Variants in SHB observed in about 807,000 individuals in gnomAD.
The protein encoded by SHB is SH2 domain-containing adapter protein B.
A neutral mutation model predicts 52.3 loss-of-function variants in SHB; 20 were observed. That is an observed-to-expected ratio of 0.38 (90% confidence interval 0.27 to 0.56). SHB has a LOEUF of 0.56. Ranked by LOEUF, SHB falls within the 20% of genes least tolerant of loss-of-function variation. SHB has a pLI of 0.71. For missense variants in SHB, 825 were observed against 723.3 expected (o/e 1.14, Z -1.61); for synonymous variants, 397 against 316.5 (o/e 1.25, Z -2.70).
At chr9:38,047,802 G>C (rs547632975) in intron 1 of SHB, among the ~76,000 whole-genome samples, 2 of 152,350 alleles carry the variant, frequency 1.3e-5, no homozygotes, top group East Asian at 1.9e-4. Context: ...AAGCAAACAA[G>C]GGTGTGAGTT....
chr9:37,975,551 G>T (rs1304977415), intron 2 of SHB, among the ~76,000 whole-genome samples: 1 of 152,214 alleles, frequency 6.6e-6, no homozygotes. Flanking sequence ...ATGACTGCCT[G>T]TCTAGACGAG....
At chr9:38,047,589 T>A (rs894787817) in intron 1 of SHB, among the ~76,000 whole-genome samples, 2 of 152,180 alleles carry the variant, frequency 1.3e-5, no homozygotes, top group African/African-American at 4.8e-5. Context: ...GGACCACAAT[T>A]ATAAACACAG....
At chr9:38,009,521 C>T (rs965720793) in intron 2 of SHB, among the ~76,000 whole-genome samples, 8 of 152,256 alleles carry the variant, frequency 5.3e-5, no homozygotes, top group African/African-American at 1.7e-4. Flanking sequence ...TGCCCAAGGG[C>T]AGAGCCAGGG....
chr9:37,963,946 T>C (rs903446444), intron 3 of SHB, among the ~76,000 whole-genome samples: 2 of 152,002 alleles, frequency 1.3e-5, no homozygotes, highest in Non-Finnish European at 2.9e-5. Flanking sequence ...CCCAAACAAG[T>C]ATGAGAATTA....
At chr9:37,952,576 G>A (rs1832578525) in intron 4 of SHB, among the ~76,000 whole-genome samples, 3 of 152,174 alleles carry the variant, frequency 2.0e-5, no homozygotes, top group Admixed American at 1.3e-4. Context: ...GGCGTGAGGA[G>A]GGGCCAGAGG....
chr9:37,949,392 C>CA (rs771495216), intron 4 of SHB, among the ~76,000 whole-genome samples: 1,517 of 49,486 alleles, frequency 0.031, 27 homozygotes, highest in East Asian at 0.15. Flanking sequence ...GACTCCATCT[C>CA]AAAAAAAAAA....
chr9:38,032,581 G>T (rs1396429975), intron 1 of SHB, among the ~76,000 whole-genome samples: 1 of 152,184 alleles, frequency 6.6e-6, no homozygotes, highest in Non-Finnish European at 1.5e-5. Context: ...GCTGCCCTGT[G>T]ACTCCGGCAC....
At chr9:38,064,518 T>C (rs1821936589) in intron 1 of SHB, among the ~76,000 whole-genome samples, 2 of 152,236 alleles carry the variant, frequency 1.3e-5, no homozygotes, top group African/African-American at 2.4e-5. Flanking sequence ...TAAGCACTCC[T>C]GCAGCGTGCA....
intron 5 of SHB, among the ~76,000 whole-genome samples, chr9:37,938,335 C>G (rs1240012307): frequency 6.6e-6 from 1 of 152,254 alleles, no homozygotes; most frequent in Non-Finnish European, 1.5e-5. Flanking sequence ...CACCCTTTCA[C>G]TGATAGCAGA....
At chr9:37,958,435 A>C (rs1237529954) in intron 3 of SHB, among the ~76,000 whole-genome samples, 1 of 152,202 alleles carries the variant, frequency 6.6e-6, no homozygotes, top group Non-Finnish European at 1.5e-5. Flanking sequence ...GACTCACCAA[A>C]GGCCCTAATT....
rs573110863 is a variant in SHB, at chr9:37,966,293, C to CT, written c.1054+8328dup. ...GAAGAGCAAAAGTATTCTATCAAAT[C>CT]TTTGTTTTTTTTCCACTGAGGAGAC... On this transcript the variant is annotated intron_variant, in intron 3 of 5. Coordinates refer to ENST00000377707, the MANE Select transcript of SHB (RefSeq NM_003028.3). Among the ~76,000 whole-genome samples the CT allele has an allele frequency of 3.9e-5, 6 of 152,318 alleles. No homozygotes were observed. In the South Asian group the frequency reaches 6.2e-4, roughly 16 times the overall value.
At chr9:37,963,041 G>T (rs1038091880) in intron 3 of SHB, among the ~76,000 whole-genome samples, 5 of 152,300 alleles carry the variant, frequency 3.3e-5, no homozygotes, top group Middle Eastern at 3.4e-3. Flanking sequence ...CTCTGCTTTG[G>T]GACTGCAGCC....
Position 38,053,661 on chromosome 9 carries a change from C to T in SHB, c.717+14268G>A, listed in dbSNP as rs563273455. Reference sequence around the variant, plus strand: ...AAAGCTTAACCGTAAGCAGACCCACCAAGATAAGGATAGGTTCACTCTCTG... The same window carrying T: ...AAAGCTTAACCGTAAGCAGACCCACTAAGATAAGGATAGGTTCACTCTCTG... On this transcript the variant is annotated intron_variant, in intron 1 of 5. Coordinates refer to ENST00000377707, the MANE Select transcript of SHB (RefSeq NM_003028.3). Among the ~76,000 whole-genome samples the T allele has an allele frequency of 2.0e-5, 3 of 152,208 alleles. No homozygotes were observed. The South Asian group carries it at 6.2e-4, about 32-fold the overall frequency.
Position 37,919,402 on chromosome 9 carries a change from G to T in SHB, c.*419C>A, listed in dbSNP as rs915614128. ...AGCATTTGGCTCCCAGCATCAGTAG[G>T]GGGGCTCCTGTGGGAAAACTTTGCC... is the stretch of plus-strand genomic sequence containing the variant. On this transcript the variant is annotated 3_prime_UTR_variant, in exon 6 of 6. Coordinates refer to ENST00000377707, the MANE Select transcript of SHB (RefSeq NM_003028.3). The T allele has an allele frequency of 3.1e-5, 5 of 162,598 alleles. No homozygotes were observed. Among genetic ancestry groups the T allele is most frequent in the South Asian group, 1.7e-4 (1 of 5,762 alleles). The allele number at this position is 162,598 out of a possible 1,614,324, so 10.1% of individuals were successfully genotyped here.
At chr9:38,011,918 G>A (rs1047620624) in intron 2 of SHB, among the ~76,000 whole-genome samples, 1 of 152,186 alleles carries the variant, frequency 6.6e-6, no homozygotes, top group African/African-American at 2.4e-5. Flanking sequence ...GAGAGGCGAT[G>A]GGGATGGCAA....
chr9:37,980,016 T>C (rs544239944), intron 2 of SHB, among the ~76,000 whole-genome samples: 163 of 152,174 alleles, frequency 1.1e-3, no homozygotes, highest in African/African-American at 2.9e-3. Flanking sequence ...TGGTGGAGGG[T>C]CTTGCTTTGA....
intron 1 of SHB, among the ~76,000 whole-genome samples, chr9:38,052,373 C>A (rs899471343): frequency 6.6e-6 from 1 of 152,226 alleles, no homozygotes; most frequent in Non-Finnish European, 1.5e-5. Context: ...GACTCCGTGA[C>A]CCCAGCACAT....
chr9:38,020,932 G>A (rs999983023), intron 1 of SHB, among the ~76,000 whole-genome samples: 8 of 152,174 alleles, frequency 5.3e-5, no homozygotes, highest in South Asian at 2.1e-4. Flanking sequence ...CAGCAAACTC[G>A]TTCTAGGAAG....
intron 2 of SHB, among the ~76,000 whole-genome samples, chr9:37,979,536 A>C (rs902586624): frequency 4.0e-5 from 6 of 150,984 alleles, no homozygotes; most frequent in African/African-American, 1.5e-4. Flanking sequence ...TCCTGAGAGG[A>C]TGTGATGGGG....
Sources: gnomAD v4.1 joint callset for allele counts (sites outside exome capture counted in the v4.1 genomes callset) on GRCh38, gnomAD v4.1.1 for gene constraint, MANE v1.5 for transcripts, NCBI Gene and HGNC (gene_info 2026-07-23, HGNC 2026-07-21) for gene names.